The following ARID4A variants were observed in gnomAD, a reference collection of about 807,000 sequenced individuals.
The protein encoded by ARID4A is AT-rich interaction domain 4A.
Under a neutral mutation model 148.6 loss-of-function variants are expected in ARID4A, and 39 were observed. The observed-to-expected ratio is 0.26, with a 90% CI of 0.20 to 0.34. ARID4A has a LOEUF of 0.34. Ranked by LOEUF, ARID4A falls within the 10% of genes least tolerant of loss-of-function variation. ARID4A has a pLI of 1.00. For synonymous variants in ARID4A, 475 were observed against 481.2 expected (o/e 0.99, Z 0.17); for missense variants, 1,265 against 1,449.1 (o/e 0.87, Z 2.06).
chr14:58,361,243 A>AT (rs562275733), intron 19 of ARID4A: 3,779 of 347,702 alleles, frequency 0.011, no homozygotes, highest in Non-Finnish European at 0.013. Flanking sequence ...TTGGTTTTTG[A>AT]TTTTTTTTTT....
At chr14:58,304,113 G>T (rs1450851690) in intron 3 of ARID4A, among the ~76,000 whole-genome samples, 3 of 151,988 alleles carry the variant, frequency 2.0e-5, no homozygotes, top group African/African-American at 7.2e-5. Flanking sequence ...TGATTTGTAG[G>T]TTAAATAGAT....
At chr14:58,321,391 A>G (rs776537805) in intron 7 of ARID4A, among the ~76,000 whole-genome samples, 2 of 152,180 alleles carry the variant, frequency 1.3e-5, no homozygotes, top group Non-Finnish European at 2.9e-5. Context: ...TTAATGGGTT[A>G]CAATTCAGGT....
At position 58,304,973 on chromosome 14, in the gene ARID4A, A is replaced by G. The variant is rs950031558; in HGVS notation, c.147A>G (p.Gln49=). 12 of 1,608,104 alleles carry G rather than the reference A, an allele frequency of 7.5e-6. No homozygotes were observed. Among genetic ancestry groups the G allele is most frequent in the African/African-American group, 1.3e-5 (1 of 74,730 alleles). Residue 49 remains glutamine, a synonymous_variant, in exon 4 of 24, where the codon CAA becomes CAG. Coordinates refer to ENST00000355431, the MANE Select transcript of ARID4A (RefSeq NM_002892.4). ...KVLLKQDNTT[Q]LVQDDQVKGP... Reference sequence around the variant, plus strand: ...TCCTGAAACAGGATAATACCACACAATTGGTACAAGATGACCAAGTAAAGG... The same window carrying G: ...TCCTGAAACAGGATAATACCACACAGTTGGTACAAGATGACCAAGTAAAGG...
chr14:58,347,109 T>G lies in ARID4A; in HGVS notation c.1164T>G (p.Ala388=), dbSNP rs754667489. The change falls in exon 14 of 24, where the codon GCT becomes GCG. Residue 388 remains alanine (A), a synonymous_variant. Coordinates refer to ENST00000355431, the MANE Select transcript of ARID4A (RefSeq NM_002892.4). ...CTGCTTCCTACAATGTAAAAACTGC[T>G]TATAGAAAGTAAGTAGTATAGTTTA... ...NSAASYNVKT[A]YRKYLYGFEE... The G allele has an allele frequency of 6.5e-7, 1 of 1,538,314 alleles. No individual in the cohort carries two copies. The highest frequency in any genetic ancestry group is 2.3e-5 in the East Asian group (1 of 42,960).
At chr14:58,331,749 A>G (rs1383957422) in intron 11 of ARID4A, among the ~76,000 whole-genome samples, 2 of 152,182 alleles carry the variant, frequency 1.3e-5, no homozygotes, top group Non-Finnish European at 2.9e-5. Context: ...GTTTGGCAAA[A>G]TTCAGGATTT....
intron 11 of ARID4A, among the ~76,000 whole-genome samples, chr14:58,334,046 T>C (rs909948040): frequency 3.9e-5 from 6 of 152,158 alleles, no homozygotes; most frequent in African/African-American, 7.2e-5. Context: ...AATGCCCTTA[T>C]GTATTTAGCA....
chr14:58,363,218 G>T (rs952738093), intron 19 of ARID4A, among the ~76,000 whole-genome samples: 1 of 152,110 alleles, frequency 6.6e-6, no homozygotes, highest in East Asian at 1.9e-4. Context: ...ATTCATGTTT[G>T]CAGTTTTGAA....
At chr14:58,304,837 A>G in intron 3 of ARID4A, 107 bp from the exon 4 acceptor site, 1 of 937,400 alleles carries the variant, frequency 1.1e-6, no homozygotes, top group Non-Finnish European at 1.7e-6. Context: ...AGGGGTCACC[A>G]CATGGTGCTA....
At position 58,318,546 on chromosome 14, in the gene ARID4A, T is replaced by C; in HGVS notation, c.279T>C (p.Phe93=). ...LTDASWYTVV[F]DDGDERTLRR... Reference sequence around the variant, plus strand: ...GTTATCTTTTGCTTATTATAGTGTTTGATGATGGTGATGAGCGAACATTGA... The same window carrying C: ...GTTATCTTTTGCTTATTATAGTGTTCGATGATGGTGATGAGCGAACATTGA... Residue 93 remains phenylalanine (F), a synonymous_variant, in exon 6 of 24, where the codon TTT becomes TTC. Coordinates refer to ENST00000355431, the MANE Select transcript of ARID4A (RefSeq NM_002892.4). 1 of 1,614,110 alleles carries C rather than the reference T, an allele frequency of 6.2e-7. No homozygotes were observed. Among genetic ancestry groups the C allele is most frequent in the Non-Finnish European group, 8.5e-7 (1 of 1,179,992 alleles).
At position 58,347,126 on chromosome 14, in the gene ARID4A, T is replaced by A. The variant is rs781190113; in HGVS notation, c.1172+9T>A. 1 of 1,385,930 alleles carries A rather than the reference T, an allele frequency of 7.2e-7. No homozygotes were observed. The highest frequency in any genetic ancestry group is 9.9e-7 in the Non-Finnish European group (1 of 1,007,910). The allele number at this position is 1,385,930 out of a possible 1,614,324, so 85.9% of individuals were successfully genotyped here. A position where few individuals can be genotyped will look rare whatever the true frequency, so the allele number is the denominator to read the frequency against. ...AAAACTGCTTATAGAAAGTAAGTAGTATAGTTTATTCATCAAAGAATATAT... is the reference window on the plus strand; with the variant it reads ...AAAACTGCTTATAGAAAGTAAGTAGAATAGTTTATTCATCAAAGAATATAT... On this transcript the variant is annotated intron_variant, in intron 14 of 23. Coordinates refer to ENST00000355431, the MANE Select transcript of ARID4A (RefSeq NM_002892.4).
chr14:58,320,293 A>G (rs1403719718), intron 7 of ARID4A, among the ~76,000 whole-genome samples: 1 of 152,050 alleles, frequency 6.6e-6, no homozygotes, highest in East Asian at 1.9e-4. Context: ...TTTCTGAACT[A>G]TTTGAGAGGA....
chr14:58,364,832 A>G lies in ARID4A; in HGVS notation c.2743A>G (p.Ile915Val), dbSNP rs1423764161. The G allele has an allele frequency of 1.2e-6, 2 of 1,614,018 alleles. No individual in the cohort carries two copies. Among genetic ancestry groups the G allele is most frequent in the Non-Finnish European group, 8.5e-7 (1 of 1,180,022 alleles). Residue 915 changes from isoleucine (I) to valine (V), a missense_variant, in exon 20 of 24, where the codon ATA becomes GTA. Physicochemically the swap from Ile to Val is conservative, Grantham distance 29 (BLOSUM62 3). Transcript: ENST00000355431. ...AGAAAATGAAGGAATGCCATCATTG[A>G]TAGCAGAGTCAAACCAATGCATCCA... ...ERENEGMPSL[I>V]AESNQCIQQL...
Position 58,364,890 on chromosome 14 carries a change from C to A in ARID4A, c.2801C>A (p.Ala934Asp), listed in dbSNP as rs1047233814. The A allele has an allele frequency of 2.5e-6, 4 of 1,613,984 alleles. No homozygotes were observed. The African/African-American group carries it at 5.3e-5, about 22-fold the overall frequency. ...QLTSERFDSPAEETVNIPLKE... is the reference protein window; with the variant it reads ...QLTSERFDSPDEETVNIPLKE... The stretch of plus-strand genomic sequence containing the variant: ...ACTAGTGAAAGATTTGATAGTCCAG[C>A]TGAAGAAACTGTAAATATTCCACTA... Residue 934 changes from alanine (A) to aspartate (D), a missense_variant, in exon 20 of 24, where the codon GCT becomes GAT. Coordinates refer to ENST00000355431, the MANE Select transcript of ARID4A (RefSeq NM_002892.4).
In ARID4A at chr14:58,321,944, G is replaced by T. The variant is rs986651086; in HGVS notation, c.450-1541G>T. On this transcript the variant is annotated intron_variant, in intron 7 of 23. Coordinates refer to ENST00000355431, the MANE Select transcript of ARID4A (RefSeq NM_002892.4). ...GATAATGTATAGAATTTTCTTTTTT[G>T]TTGTTGTTGTTGTTTTTTTTGGTTT... Among the ~76,000 whole-genome samples the T allele has an allele frequency of 4.5e-5, 4 of 89,410 alleles. No homozygotes were observed. The East Asian group carries it at 6.7e-4, about 15-fold the overall frequency. 58.7% of individuals were successfully genotyped at this position (89,410 alleles called of 152,430 possible).
intron 7 of ARID4A, among the ~76,000 whole-genome samples, chr14:58,319,298 A>G (rs921791780): frequency 6.6e-6 from 1 of 150,506 alleles, no homozygotes; most frequent in Non-Finnish European, 1.5e-5. Flanking sequence ...CGAACTCCTG[A>G]CCTCGTGATC....
chr14:58,334,262 G>A (rs2033685592), intron 11 of ARID4A, among the ~76,000 whole-genome samples: 1 of 152,126 alleles, frequency 6.6e-6, no homozygotes, highest in East Asian at 1.9e-4. Flanking sequence ...GGATTTGATA[G>A]CATTTAAATG....
intron 3 of ARID4A, among the ~76,000 whole-genome samples, chr14:58,304,078 T>G (rs558026099): frequency 1.3e-5 from 2 of 152,098 alleles, no homozygotes; most frequent in Non-Finnish European, 2.9e-5. Flanking sequence ...AAAAAAAAGT[T>G]TGAGAAACAT....
At chr14:58,342,460 T>G (rs566640388) in intron 11 of ARID4A, among the ~76,000 whole-genome samples, 2 of 152,350 alleles carry the variant, frequency 1.3e-5, no homozygotes, top group African/African-American at 4.8e-5. Flanking sequence ...TTCTTAACAT[T>G]AAAAATTTAT....
At position 58,364,927 on chromosome 14, in the gene ARID4A, G is replaced by A. The variant is rs149319468; in HGVS notation, c.2838G>A (p.Glu946=). The A allele has an allele frequency of 5.2e-4, 832 of 1,614,134 alleles. 15 individuals are homozygous for A. In the South Asian group the frequency reaches 5.5e-3, roughly 11 times the overall value. Residue 946 remains glutamate, a synonymous_variant, in exon 20 of 24, where the codon GAG becomes GAA. Transcript: ENST00000355431. The part of the protein sequence containing the change: ...ETVNIPLKED[E]DAMPLIGPET... The stretch of plus-strand genomic sequence containing the variant: ...TAAATATTCCACTAAAAGAAGATGA[G>A]GATGCAATGCCTCTGATCGGGCCTG...
Sources: gnomAD v4.1 joint callset for allele counts (sites outside exome capture counted in the v4.1 genomes callset) on GRCh38, gnomAD v4.1.1 for gene constraint, MANE v1.5 for transcripts, NCBI Gene and HGNC (gene_info 2026-07-23, HGNC 2026-07-21) for gene names.